Variants in OR4F6 observed in about 807,000 individuals in gnomAD.
OR4F6 encodes the protein olfactory receptor family 4 subfamily F member 6.
Under a neutral mutation model 15.9 loss-of-function variants are expected in OR4F6, and 13 were observed. That is an observed-to-expected ratio of 0.82 (90% confidence interval 0.53 to 1.30). The LOEUF is 1.30. Ranked by LOEUF, OR4F6 falls within the 50% of genes most tolerant of loss-of-function variation. The probability of loss-of-function intolerance (pLI) is 0.00; values close to 1 mark genes in which losing one functional copy is unlikely to be tolerated. For synonymous variants in OR4F6, 150 were observed against 133.8 expected (o/e 1.12, Z -0.83); for missense variants, 426 against 367.2 (o/e 1.16, Z -1.31).
Position 101,806,227 on chromosome 15 carries a change from G to A in OR4F6, c.508G>A (p.Gly170Ser), listed in dbSNP as rs752159724. 2 of 1,614,048 alleles carry A rather than the reference G, an allele frequency of 1.2e-6. No individual in the cohort carries two copies. The highest frequency in any genetic ancestry group is 3.3e-5 in the Admixed American group (2 of 60,012). ...LAFVVDLLFC[G>S]PNELDSFFCD... Reference sequence around the variant, plus strand: ...TTTTGTTGTAGACCTGCTGTTCTGTGGCCCTAATGAATTAGATAGTTTCTT... The same window carrying A: ...TTTTGTTGTAGACCTGCTGTTCTGTAGCCCTAATGAATTAGATAGTTTCTT... Residue 170 changes from glycine to serine, a missense_variant, in exon 2 of 2, where the codon GGC becomes AGC. Gly to Ser is a moderately conservative substitution (Grantham distance 56). Transcript: ENST00000328882.
At chr15:101,803,777 A>G (rs1162264873) in intron 1 of OR4F6, among the ~76,000 whole-genome samples, 1 of 152,242 alleles carries the variant, frequency 6.6e-6, no homozygotes, top group African/African-American at 2.4e-5. Context: ...TGACATTTGC[A>G]CAGACGTGTT....
rs566013194 is a variant in OR4F6, at chr15:101,805,843, A to G, written c.124A>G (p.Asn42Asp). The G allele has an allele frequency of 1.9e-6, 3 of 1,613,948 alleles. No homozygotes were observed. The highest frequency in any genetic ancestry group is 3.3e-5 in the Admixed American group (2 of 59,994). The change falls in exon 2 of 2, where the codon AAT (asparagine) becomes GAT (aspartate). Residue 42 changes from asparagine to aspartate, a missense_variant. By Grantham distance (23) the Asn-to-Asp change is conservative. Coordinates refer to ENST00000328882, the MANE Select transcript of OR4F6 (RefSeq NM_001005326.2). Reference protein sequence around the residue: ...SVFYVSSLMGNLLIVLTVTSD... With the variant: ...SVFYVSSLMGDLLIVLTVTSD... ...GTTCTATGTGTCAAGCCTGATGGGAAATCTCCTCATTGTGCTAACTGTGAC... is the reference window on the plus strand; with the variant it reads ...GTTCTATGTGTCAAGCCTGATGGGAGATCTCCTCATTGTGCTAACTGTGAC...
intron 1 of OR4F6, among the ~76,000 whole-genome samples, chr15:101,804,118 G>T (rs953041310): frequency 1.3e-4 from 20 of 152,120 alleles, no homozygotes; most frequent in Admixed American, 1.3e-3. Context: ...GTTTCATTCA[G>T]GTCATAACAA....
intron 1 of OR4F6, among the ~76,000 whole-genome samples, chr15:101,805,195 C>T (rs1420353311): frequency 6.6e-6 from 1 of 152,120 alleles, no homozygotes; most frequent in South Asian, 2.1e-4. Context: ...TTAGATCACT[C>T]TTAGAACACT....
Position 101,805,879 on chromosome 15 carries a change from C to T in OR4F6, c.160C>T (p.Arg54Cys), listed in dbSNP as rs141580524. 5,474 of 1,614,130 alleles carry T rather than the reference C, an allele frequency of 3.4e-3. 21 individuals carry two copies. The highest frequency in any genetic ancestry group is 4.4e-3 in the Admixed American group (267 of 60,024). The change falls in exon 2 of 2, where the codon CGT becomes TGT. Residue 54 changes from arginine (R) to cysteine (C), a missense_variant. By Grantham distance (180) the Arg-to-Cys change is radical. Coordinates refer to ENST00000328882, the MANE Select transcript of OR4F6 (RefSeq NM_001005326.2). Reference protein sequence around the residue: ...LIVLTVTSDPRLQSPMYFLLA... With the variant: ...LIVLTVTSDPCLQSPMYFLLA... ...TGTGCTAACTGTGACCTCTGACCCT[C>T]GTTTACAGTCCCCCATGTACTTCCT...
rs770338250 is a variant in OR4F6, at chr15:101,805,777, T to C, written c.58T>C (p.Ser20Pro). 3 of 1,614,126 alleles carry C rather than the reference T, an allele frequency of 1.9e-6. No homozygotes were observed. Among genetic ancestry groups the C allele is most frequent in the South Asian group, 2.2e-5 (2 of 91,066 alleles). ...SEFVFLGLSD[S>P]RKIQLLLFLF... ...GTTTGTGTTCCTGGGACTCTCTGAC[T>C]CGCGGAAGATCCAGCTCCTCCTCTT... Residue 20 changes from serine to proline, a missense_variant, in exon 2 of 2, where the codon TCG becomes CCG. Coordinates refer to ENST00000328882, the MANE Select transcript of OR4F6 (RefSeq NM_001005326.2).
At position 101,806,330 on chromosome 15, in the gene OR4F6, G is replaced by C. The variant is rs750818706; in HGVS notation, c.611G>C (p.Gly204Ala). 6.2e-7 allele frequency: 1 copy of C among 1,613,950 alleles called. No individual in the cohort carries two copies. Among genetic ancestry groups the C allele is most frequent in the Non-Finnish European group, 8.5e-7 (1 of 1,179,836 alleles). ...GGATTCATGGTTACTGCCAATAGTG[G>C]ATTTATTTCTCTGGCTTCTTTTTTA... ...TLGFMVTANS[G>A]FISLASFLIL... Residue 204 changes from glycine (G) to alanine (A), a missense_variant, in exon 2 of 2, where the codon GGA becomes GCA. Gly to Ala is a moderately conservative substitution (Grantham distance 60). Transcript: ENST00000328882.
At chr15:101,803,673 G>A (rs1902751188) in intron 1 of OR4F6, 128 bp downstream of exon 1, 1 of 152,184 alleles carries the variant, frequency 6.6e-6, no homozygotes, top group African/African-American at 2.4e-5. Context: ...CACGAAAATT[G>A]CAGCAGATTA....
chr15:101,806,529 C>T lies in OR4F6; in HGVS notation c.810C>T (p.Phe270=), dbSNP rs373176011. Residue 270 remains phenylalanine, a synonymous_variant, in exon 2 of 2, where the codon TTC becomes TTT. Transcript: ENST00000328882. The part of the protein sequence containing the change: ...FPFPTSHLDK[F]LAIFDAVITP... ...TTCCCACATCACATCTTGATAAATTCCTTGCCATCTTTGATGCAGTTATCA... is the reference window on the plus strand; with the variant it reads ...TTCCCACATCACATCTTGATAAATTTCTTGCCATCTTTGATGCAGTTATCA... 1.2e-6 allele frequency: 2 copies of T among 1,613,940 alleles called. No homozygotes were observed. The highest frequency in any genetic ancestry group is 1.6e-4 in the Middle Eastern group (1 of 6,062).
rs766892772 is a variant in OR4F6 at position 101,805,784 on chromosome 15, A to G, written c.65A>G (p.Lys22Arg). The G allele has an allele frequency of 2.5e-6, 4 of 1,614,026 alleles. No individual in the cohort carries two copies. In the South Asian group the frequency reaches 3.3e-5, roughly 13 times the overall value. ...TTCCTGGGACTCTCTGACTCGCGGA[A>G]GATCCAGCTCCTCCTCTTCCTCTTT... The part of the protein sequence containing the change: ...FVFLGLSDSR[K>R]IQLLLFLFFS... The change falls in exon 2 of 2, where the codon AAG becomes AGG. Residue 22 changes from lysine (K) to arginine (R), a missense_variant. Coordinates refer to ENST00000328882, the MANE Select transcript of OR4F6 (RefSeq NM_001005326.2).
Position 101,806,630 on chromosome 15 carries a change from AG to A in OR4F6, c.912del (p.Gln304HisfsTer3), listed in dbSNP as rs757372527. The A allele has an allele frequency of 3.2e-6, 5 of 1,586,086 alleles. No individual in the cohort carries two copies. Among genetic ancestry groups the A allele is most frequent in the Admixed American group, 1.9e-5 (1 of 52,816 alleles). ...MMVAMRRRCSQFVNYSKIF is the reference protein window; with the variant it reads ...MMVAMRRRCSXFVNYSKIF ...GTGGCAATGAGAAGACGATGCTCTCAGTTTGTGAATTACAGTAAAATCTTTT... is the reference window on the plus strand; with the variant it reads ...GTGGCAATGAGAAGACGATGCTCTCATTTGTGAATTACAGTAAAATCTTTT... On this transcript the variant is annotated frameshift_variant, in exon 2 of 2. Coordinates refer to ENST00000328882, the MANE Select transcript of OR4F6 (RefSeq NM_001005326.2). LOFTEE classifies it high-confidence loss of function.
At chr15:101,804,492 G>C (rs991440347) in intron 1 of OR4F6, among the ~76,000 whole-genome samples, 15 of 152,190 alleles carry the variant, frequency 9.9e-5, no homozygotes, top group African/African-American at 3.6e-4. Context: ...GGAGAGGTCT[G>C]TGCTCTGTGT....
At chr15:101,804,477 G>A (rs1297799243) in intron 1 of OR4F6, among the ~76,000 whole-genome samples, 1 of 152,190 alleles carries the variant, frequency 6.6e-6, no homozygotes, top group African/African-American at 2.4e-5. Flanking sequence ...AATAGTAGGA[G>A]TGTGGGAGAG....
Position 101,805,675 on chromosome 15 carries a change from C to A in OR4F6, c.-33-12C>A. 1 of 1,458,700 alleles carries A rather than the reference C, an allele frequency of 6.9e-7. No homozygotes were observed. Among genetic ancestry groups the A allele is most frequent in the South Asian group, 1.3e-5 (1 of 78,512 alleles). The allele number at this position is 1,458,700 out of a possible 1,614,324, so 90.4% of individuals were successfully genotyped here. ...TCCTAAATCAAAGTTTCTCCTTACT[C>A]TCCTCTTTCAGTTAGCATGAGAGTT... On this transcript the variant is annotated splice_polypyrimidine_tract_variant and intron_variant, in intron 1 of 1. Transcript: ENST00000328882.
Position 101,806,390 on chromosome 15 carries a change from C to A in OR4F6, c.671C>A (p.Thr224Asn), listed in dbSNP as rs770806297. The A allele has an allele frequency of 1.1e-5, 17 of 1,613,560 alleles. No homozygotes were observed. The highest frequency in any genetic ancestry group is 1.1e-5 in the Non-Finnish European group (13 of 1,179,862). Residue 224 changes from threonine (T) to asparagine (N), a missense_variant, in exon 2 of 2, where the codon ACT (threonine) becomes AAT (asparagine). Physicochemically the swap from Thr to Asn is moderately conservative, Grantham distance 65. Transcript: ENST00000328882. ...LIISYIFILV[T>N]VQKKSSGGIF... Reference sequence around the variant, plus strand: ...ATCTCTTACATCTTTATTTTGGTGACTGTTCAGAAAAAATCTTCAGGTGGT... The same window carrying A: ...ATCTCTTACATCTTTATTTTGGTGAATGTTCAGAAAAAATCTTCAGGTGGT...
chr15:101,806,444 C>G lies in OR4F6; in HGVS notation c.725C>G (p.Ala242Gly). ...GIFKAFSMLS[A>G]HVIVVVLVFG... ...TTCAAGGCTTTCTCTATGCTGTCAG[C>G]TCATGTCATTGTGGTGGTTTTGGTC... The change falls in exon 2 of 2, where the codon GCT becomes GGT. Residue 242 changes from alanine to glycine, a missense_variant. Coordinates refer to ENST00000328882, the MANE Select transcript of OR4F6 (RefSeq NM_001005326.2). The G allele has an allele frequency of 6.2e-7, 1 of 1,613,550 alleles. No homozygotes were observed.
At position 101,806,385 on chromosome 15, in the gene OR4F6, G is replaced by C; in HGVS notation, c.666G>C (p.Leu222Phe). 1.2e-6 allele frequency: 2 copies of C among 1,613,658 alleles called. No individual in the cohort carries two copies. The highest frequency in any genetic ancestry group is 1.7e-6 in the Non-Finnish European group (2 of 1,179,856). The change falls in exon 2 of 2, where the codon TTG (leucine) becomes TTC (phenylalanine). Residue 222 changes from leucine (L) to phenylalanine (F), a missense_variant. Physicochemically the swap from Leu to Phe is conservative, Grantham distance 22. Transcript: ENST00000328882. ...LILIISYIFI[L>F]VTVQKKSSGG... ...TCATAATCTCTTACATCTTTATTTT[G>C]GTGACTGTTCAGAAAAAATCTTCAG...
intron 1 of OR4F6, among the ~76,000 whole-genome samples, chr15:101,805,208 T>G (rs1366799548): frequency 6.6e-6 from 1 of 152,206 alleles, no homozygotes; most frequent in Non-Finnish European, 1.5e-5. Flanking sequence ...AGAACACTAT[T>G]AACACTATTA....
At position 101,806,359 on chromosome 15, in the gene OR4F6, C is replaced by T. The variant is rs748029474; in HGVS notation, c.640C>T (p.Leu214Phe). The T allele has an allele frequency of 6.2e-7, 1 of 1,613,896 alleles. No individual in the cohort carries two copies. The highest frequency in any genetic ancestry group is 1.3e-5 in the African/African-American group (1 of 74,896). ...GFISLASFLI[L>F]IISYIFILVT... The stretch of plus-strand genomic sequence containing the variant: ...TATTTCTCTGGCTTCTTTTTTAATT[C>T]TCATAATCTCTTACATCTTTATTTT... The change falls in exon 2 of 2, where the codon CTC (leucine) becomes TTC (phenylalanine). Residue 214 changes from leucine to phenylalanine, a missense_variant. Transcript: ENST00000328882.
Sources: allele counts gnomAD v4.1 joint callset (sites outside exome capture counted in the v4.1 genomes callset), GRCh38; gene constraint gnomAD v4.1.1; transcripts MANE v1.5; gene names NCBI Gene and HGNC (gene_info 2026-07-23, HGNC 2026-07-21).